PMEPA1: variants seen among roughly 807,000 people sequenced by gnomAD.
PMEPA1 encodes protein TMEPAI.
In PMEPA1, 11 loss-of-function variants were observed where a neutral mutation model predicts 23.0. The observed-to-expected ratio is 0.48, with a 90% CI of 0.30 to 0.79. PMEPA1 has a LOEUF of 0.79. PMEPA1 is among the 30% of genes least tolerant of loss of function. PMEPA1 has a pLI of 0.06. For missense variants in PMEPA1, 377 were observed against 390.9 expected, an observed-to-expected ratio of 0.96 and a Z score of 0.30; for synonymous variants, 204 against 166.4, an observed-to-expected ratio of 1.23 and a Z score of -1.74.
At chr20:57,671,195 A>G (rs1385880934) in intron 1 of PMEPA1, among the ~76,000 whole-genome samples, 1 of 152,260 alleles carries the variant, frequency 6.6e-6, no homozygotes, top group Non-Finnish European at 1.5e-5. Flanking sequence ...ATCCACTGTC[A>G]GCAAAATATC....
At position 57,652,042 on chromosome 20, in the gene PMEPA1, C is replaced by T. The variant is rs767562938; in HGVS notation, c.*11G>A. ...CACCTACGCAGCCCCAGCCCGGCCC[C>T]CCTGGGGACCCTAGAGAGGGTGTCC... is the stretch of plus-strand genomic sequence containing the variant. On this transcript the variant is annotated 3_prime_UTR_variant, in exon 4 of 4. Coordinates refer to ENST00000341744, the MANE Select transcript of PMEPA1 (RefSeq NM_020182.5). The surrounding 1 kb of genome is among the most constrained non-coding windows in gnomAD (Gnocchi z 6.1). 80 of 1,465,016 alleles carry T rather than the reference C, an allele frequency of 5.5e-5. No homozygotes were observed. Among genetic ancestry groups the T allele is most frequent in the Non-Finnish European group, 6.9e-5 (76 of 1,104,146 alleles). The allele number at this position is 1,465,016 out of a possible 1,614,324, so 90.8% of individuals were successfully genotyped here.
chr20:57,654,757 T>C (rs951744495), intron 2 of PMEPA1, among the ~76,000 whole-genome samples: 1 of 152,174 alleles, frequency 6.6e-6, no homozygotes, highest in African/African-American at 2.4e-5. Context: ...ACAGTCCATC[T>C]GCAGCCTGCA....
intron 2 of PMEPA1, among the ~76,000 whole-genome samples, chr20:57,654,058 C>T (rs374231292): frequency 1.3e-5 from 2 of 152,104 alleles, no homozygotes; most frequent in African/African-American, 2.4e-5. Context: ...TCCACTGTGG[C>T]GCCAAGCTCT....
Position 57,682,428 on chromosome 20 carries a change from T to C in PMEPA1, c.110-22731A>G, listed in dbSNP as rs6123718. Among the ~76,000 whole-genome samples the C allele has an allele frequency of 0.15, 22,111 of 152,078 alleles. 1,630 individuals are homozygous for C. The highest frequency in any genetic ancestry group is 0.16 in the Middle Eastern group (48 of 294). On this transcript the variant is annotated intron_variant, in intron 1 of 3. Transcript: ENST00000341744. This position sits in a 1 kb window ranked among gnomAD's most constrained non-coding sequence, Gnocchi z 4.4. Reference sequence around the variant, plus strand: ...CTTGCATACCTAAGCACAAAGTCACTGGTAACTAGGGGCCCAGGTTCTGGG... The same window carrying C: ...CTTGCATACCTAAGCACAAAGTCACCGGTAACTAGGGGCCCAGGTTCTGGG...
At chr20:57,658,186 G>C (rs905833482) in intron 2 of PMEPA1, among the ~76,000 whole-genome samples, 2 of 152,152 alleles carry the variant, frequency 1.3e-5, no homozygotes, top group Admixed American at 1.3e-4. Flanking sequence ...GTGGAGATTC[G>C]AAAGGGAAAT....
At chr20:57,661,642 G>A (rs1029407913) in intron 1 of PMEPA1, among the ~76,000 whole-genome samples, 5 of 152,190 alleles carry the variant, frequency 3.3e-5, no homozygotes, top group African/African-American at 1.2e-4. Context: ...GGTGGCAACT[G>A]GAGAAAAAAC....
chr20:57,677,692 A>G (rs1255556532), intron 1 of PMEPA1, among the ~76,000 whole-genome samples: 1 of 152,248 alleles, frequency 6.6e-6, no homozygotes, highest in Admixed American at 6.5e-5. Flanking sequence ...TCCCAGAGAA[A>G]TGAAGACTTA....
chr20:57,649,961 C>G lies in PMEPA1; in HGVS notation c.*2092G>C, dbSNP rs1476279219. On this transcript the variant is annotated 3_prime_UTR_variant, in exon 4 of 4. Coordinates refer to ENST00000341744, the MANE Select transcript of PMEPA1 (RefSeq NM_020182.5). ...TTTACAAGTGCGTCCTTGTACCTTTCGGGATAACCTGTACTGATTTCTCTG... is the reference window on the plus strand; with the variant it reads ...TTTACAAGTGCGTCCTTGTACCTTTGGGGATAACCTGTACTGATTTCTCTG... 2 of 152,648 alleles carry G rather than the reference C, an allele frequency of 1.3e-5. No individual in the cohort carries two copies. Among genetic ancestry groups the G allele is most frequent in the South Asian group, 4.1e-4 (2 of 4,830 alleles). The allele number at this position is 152,648 out of a possible 1,614,324, so 9.5% of individuals were successfully genotyped here.
chr20:57,662,137 A>AGCGTGCCACTGTCTACACTGCT (rs1233700913), intron 1 of PMEPA1, among the ~76,000 whole-genome samples: 7 of 151,548 alleles, frequency 4.6e-5, no homozygotes, highest in East Asian at 2.0e-4. Context: ...GCACCCAGGG[A>AGCGTGCCACTGTCTACACTGCT]ACATGTGGCG....
upstream of PMEPA1, chr20:57,710,088 C>A (rs948371317): frequency 3.1e-6 from 3 of 954,710 alleles, no homozygotes; most frequent in African/African-American, 3.5e-5. Context: ...CGCCAATCCC[C>A]GCCGAGGTTC....
intron 2 of PMEPA1, among the ~76,000 whole-genome samples, chr20:57,659,285 G>T (rs2146645489): frequency 6.6e-6 from 1 of 152,332 alleles, no homozygotes; most frequent in Middle Eastern, 3.4e-3. Flanking sequence ...TCAGCTGAGT[G>T]CGTGAGTGGA....
At chr20:57,670,692 C>G (rs1006614612) in intron 1 of PMEPA1, among the ~76,000 whole-genome samples, 1 of 152,230 alleles carries the variant, frequency 6.6e-6, no homozygotes, top group Non-Finnish European at 1.5e-5. Flanking sequence ...CCAGCCAGCA[C>G]AGACCCAAGG....
Position 57,652,404 on chromosome 20 carries a change from G to A in PMEPA1, c.513C>T (p.Asp171=). The A allele has an allele frequency of 2.5e-6, 4 of 1,613,810 alleles. No homozygotes were observed. Among genetic ancestry groups the A allele is most frequent in the African/African-American group, 1.3e-5 (1 of 75,042 alleles). The change falls in exon 4 of 4, where the codon GAC becomes GAT. Residue 171 remains aspartate, a synonymous_variant. Transcript: ENST00000341744. The surrounding 1 kb of genome is among the most constrained non-coding windows in gnomAD (Gnocchi z 6.1). The part of the protein sequence containing the change: ...YQGPCTLQLR[D]PEQQLELNRE... ...GGTTCAGTTCCAGCTGCTGCTCGGG[G>A]TCCCGAAGCTGGAGGGTGCAGGGGC...
chr20:57,659,139 G>C (rs1348635095), intron 2 of PMEPA1, among the ~76,000 whole-genome samples: 2 of 151,528 alleles, frequency 1.3e-5, no homozygotes, highest in Admixed American at 6.6e-5. Flanking sequence ...CCCAGTGGTC[G>C]CATCTCCTGC....
At chr20:57,670,411 C>T (rs906190540) in intron 1 of PMEPA1, among the ~76,000 whole-genome samples, 2 of 152,144 alleles carry the variant, frequency 1.3e-5, no homozygotes, top group African/African-American at 2.4e-5. Context: ...CACTCATGCC[C>T]GCTGTCTAGA....
At chr20:57,692,215 C>T (rs1054674058) in intron 1 of PMEPA1, among the ~76,000 whole-genome samples, 1 of 152,192 alleles carries the variant, frequency 6.6e-6, no homozygotes, top group African/African-American at 2.4e-5. Context: ...TATTACAATC[C>T]CCATTTTACA....
chr20:57,670,289 C>CA (rs2071550354), intron 1 of PMEPA1, among the ~76,000 whole-genome samples: 1 of 152,182 alleles, frequency 6.6e-6, no homozygotes, highest in African/African-American at 2.4e-5. Context: ...TGGGCCACTC[C>CA]AGGGAGGAAG....
At chr20:57,694,285 T>A (rs1357716178) in intron 1 of PMEPA1, among the ~76,000 whole-genome samples, 1 of 152,224 alleles carries the variant, frequency 6.6e-6, no homozygotes, top group Non-Finnish European at 1.5e-5. Context: ...TTTGCCATAC[T>A]CAAGTACCCC....
chr20:57,690,758 G>C, intron 1 of PMEPA1: 1 of 331,222 alleles, frequency 3.0e-6, no homozygotes, highest in South Asian at 2.9e-5. Flanking sequence ...CGGAAGTCTG[G>C]GGTGGAGCCT....
Sources: allele counts gnomAD v4.1 joint callset (sites outside exome capture counted in the v4.1 genomes callset), GRCh38; gene constraint gnomAD v4.1.1; non-coding constraint Gnocchi (gnomAD v3.1); transcripts MANE v1.5; gene names NCBI Gene and HGNC (gene_info 2026-07-23, HGNC 2026-07-21).